Variants in HEPACAM2 observed in about 807,000 individuals in gnomAD.
HEPACAM2 encodes the protein mitotic kinetics regulator.
In HEPACAM2, 49 loss-of-function variants were observed where a neutral mutation model predicts 49.6. The ratio of observed to expected loss-of-function variants is 0.99; its 90% CI spans 0.78 to 1.25. The LOEUF is 1.25. HEPACAM2 is among the 50% of genes most tolerant of loss of function. The pLI, the probability that HEPACAM2 is intolerant of heterozygous loss-of-function variation, is 0.00. For synonymous variants in HEPACAM2, 197 were observed against 202.9 expected, an observed-to-expected ratio of 0.97 and a Z score of 0.25; for missense variants, 525 against 557.2, an observed-to-expected ratio of 0.94 and a Z score of 0.58.
At chr7:93,230,343 A>G (rs935673621), upstream of HEPACAM2, among the ~76,000 whole-genome samples, 1 of 152,190 alleles carries the variant, frequency 6.6e-6, no homozygotes, top group Admixed American at 6.5e-5. Flanking sequence ...TCTTTACAGC[A>G]TGGATTTGAC....
chr7:93,197,497 G>T lies in HEPACAM2; in HGVS notation c.1126C>A (p.Gln376Lys). Residue 376 changes from glutamine to lysine, a missense_variant, in exon 5 of 10, where the codon CAA becomes AAA. By Grantham distance (53) the Gln-to-Lys change is moderately conservative. Coordinates refer to ENST00000394468, the MANE Select transcript of HEPACAM2 (RefSeq NM_001039372.4). ...AATTTTAACCTACCTTTGTAGGGTT[G>T]ATATTTTTTCCATAGGAAGAGAAGA... ...MCLLFLWKKYQPYKVIKQKLE... is the reference protein window; with the variant it reads ...MCLLFLWKKYKPYKVIKQKLE... The T allele has an allele frequency of 6.3e-7, 1 of 1,590,926 alleles. No homozygotes were observed. The highest frequency in any genetic ancestry group is 1.1e-5 in the South Asian group (1 of 88,818).
intron 2 of HEPACAM2, among the ~76,000 whole-genome samples, chr7:93,218,729 A>G (rs1444448413): frequency 6.6e-6 from 1 of 152,160 alleles, no homozygotes; most frequent in African/African-American, 2.4e-5. Context: ...GTACTGAAAC[A>G]AAAATCTTCA....
chr7:93,215,706 T>C (rs759518302), intron 2 of HEPACAM2, 21 bp from the exon 3 acceptor site: 4 of 1,598,640 alleles, frequency 2.5e-6, no homozygotes, highest in Non-Finnish European at 2.6e-6. Context: ...AAGAGAGATA[T>C]GAATGATTTT....
At chr7:93,207,008 C>T (rs1343717125) in intron 4 of HEPACAM2, among the ~76,000 whole-genome samples, 3 of 152,208 alleles carry the variant, frequency 2.0e-5, no homozygotes, top group African/African-American at 7.2e-5. Flanking sequence ...TTCTCCAGTG[C>T]TACCTGAAAG....
At chr7:93,198,418 G>A (rs1793791229) in intron 4 of HEPACAM2, among the ~76,000 whole-genome samples, 1 of 152,078 alleles carries the variant, frequency 6.6e-6, no homozygotes, top group Non-Finnish European at 1.5e-5. Flanking sequence ...TGGGTTATAA[G>A]TGGTAGAATC....
intron 4 of HEPACAM2, among the ~76,000 whole-genome samples, chr7:93,207,156 A>T (rs1040576746): frequency 6.6e-6 from 1 of 152,136 alleles, no homozygotes; most frequent in African/African-American, 2.4e-5. Flanking sequence ...ATATTGTTGC[A>T]TCACTTATTC....
At chr7:93,197,636 T>G in intron 4 of HEPACAM2, 26 bp from the exon 5 acceptor site, 11 of 1,529,790 alleles carry the variant, frequency 7.2e-6, no homozygotes, top group Non-Finnish European at 9.7e-6. Context: ...AACATATTTT[T>G]AGCAATAAAT....
Position 93,189,166 on chromosome 7 carries a change from T to C in HEPACAM2, c.*101A>G. The C allele has an allele frequency of 4.9e-6, 5 of 1,022,534 alleles. No homozygotes were observed. The highest frequency in any genetic ancestry group is 2.1e-4 in the Middle Eastern group (1 of 4,714). The allele number at this position is 1,022,534 out of a possible 1,614,324, so 63.3% of individuals were successfully genotyped here. A position where few individuals can be genotyped will look rare whatever the true frequency, so the allele number is the denominator to read the frequency against. On this transcript the variant is annotated 3_prime_UTR_variant, in exon 10 of 10. Transcript: ENST00000394468. ...AATAATGAGTAAGAGGTGTTGGTCT[T>C]GGTTTCTTCACTGATTCCAGATTAA... is the stretch of plus-strand genomic sequence containing the variant.
At chr7:93,224,398 T>G (rs1361999195) in intron 1 of HEPACAM2, among the ~76,000 whole-genome samples, 1 of 152,174 alleles carries the variant, frequency 6.6e-6, no homozygotes, top group Non-Finnish European at 1.5e-5. Flanking sequence ...ACTATTACTT[T>G]CTGAGTATAA....
Position 93,215,570 on chromosome 7 carries a change from C to T in HEPACAM2, c.546G>A (p.Trp182Ter). 6.2e-7 allele frequency: 1 copy of T among 1,613,672 alleles called. No homozygotes were observed. Among genetic ancestry groups the T allele is most frequent in the Non-Finnish European group, 8.5e-7 (1 of 1,179,804 alleles). ...TGTGGACAGGTCTCCCATTTTTTAG[C>T]CATTGGTAAGCTAGCCGAGTGCCCC... ...VEGGTRLAYQ[W>*]LKNGRPVHTS... The change falls in exon 3 of 10, where the codon TGG (tryptophan) becomes TGA (stop). Residue 182 changes from tryptophan (W) to a stop codon, truncating the protein, a stop_gained. Transcript: ENST00000394468. LOFTEE classifies it high-confidence loss of function.
intron 1 of HEPACAM2, chr7:93,226,050 C>T (rs564435972): frequency 3.5e-6 from 2 of 569,932 alleles, no homozygotes; most frequent in African/African-American, 1.9e-5. Flanking sequence ...GAAATAAATG[C>T]ATTAAAGACT....
intron 1 of HEPACAM2, among the ~76,000 whole-genome samples, chr7:93,220,691 CA>C: frequency 6.6e-6 from 1 of 152,320 alleles, no homozygotes; most frequent in Admixed American, 6.5e-5. Context: ...TAGCCCTGGG[CA>C]GTGCTGGGGA....
chr7:93,191,342 T>TC (rs1793540502), intron 9 of HEPACAM2, among the ~76,000 whole-genome samples: 2 of 151,994 alleles, frequency 1.3e-5, no homozygotes, highest in Admixed American at 6.6e-5. Context: ...TGACGCACAG[T>TC]CCCCCCAGCA....
chr7:93,226,715 T>A (rs1302076248), upstream of HEPACAM2, among the ~76,000 whole-genome samples: 1 of 152,090 alleles, frequency 6.6e-6, no homozygotes, highest in African/African-American at 2.4e-5. Context: ...TATTAAAAAA[T>A]CACATGAAGG....
chr7:93,197,128 A>G (rs1000206833), intron 7 of HEPACAM2, 113 bp downstream of exon 7: 4 of 679,820 alleles, frequency 5.9e-6, no homozygotes, highest in African/African-American at 1.9e-5. Flanking sequence ...AGAGACTGTT[A>G]TATTAATTTT....
At chr7:93,215,734 T>C (rs892548683) in intron 2 of HEPACAM2, 49 bp from the exon 3 acceptor site, 3 of 1,570,712 alleles carry the variant, frequency 1.9e-6, no homozygotes, top group African/African-American at 1.4e-5. Flanking sequence ...CATGGAAATA[T>C]AATAAAACCC....
At chr7:93,208,534 T>A (rs766019270) in intron 4 of HEPACAM2, 46 bp downstream of exon 4, 2 of 1,520,858 alleles carry the variant, frequency 1.3e-6, no homozygotes, top group Non-Finnish European at 1.8e-6. Context: ...AAGGCCAGCA[T>A]GCATTCATGT....
In HEPACAM2 at chr7:93,195,846, A is replaced by G. The variant is rs1793703196; in HGVS notation, c.1257T>C (p.Asp419=). The part of the protein sequence containing the change: ...FGIYEFVAFP[D]VSGVSRIPSR... The stretch of plus-strand genomic sequence containing the variant: ...AACCAACCCTGGAAACACCAGAAAC[A>G]TCTGGAAAAGCAACAAATTCATATA... Residue 419 remains aspartate, a synonymous_variant, in exon 8 of 10, where the codon GAT becomes GAC. Coordinates refer to ENST00000394468, the MANE Select transcript of HEPACAM2 (RefSeq NM_001039372.4). The G allele has an allele frequency of 1.9e-6, 3 of 1,612,888 alleles. No homozygotes were observed. Among genetic ancestry groups the G allele is most frequent in the East Asian group, 2.2e-5 (1 of 44,818 alleles).
chr7:93,232,207 A>G, the HEPACAM2 span: 1 of 453,372 alleles, frequency 2.2e-6, no homozygotes, highest in East Asian at 4.4e-5. Context: ...GAGCAGTAAT[A>G]TTTACCGGCT....
Sources: gnomAD v4.1 joint callset for allele counts (sites outside exome capture counted in the v4.1 genomes callset) on GRCh38, gnomAD v4.1.1 for gene constraint, MANE v1.5 for transcripts, NCBI Gene and HGNC (gene_info 2026-07-23, HGNC 2026-07-21) for gene names.